UGT1A6: variants seen among roughly 807,000 people sequenced by gnomAD.
UGT1A6 encodes the protein UDP-glucuronosyltransferase 1A6.
In UGT1A6, 32 loss-of-function variants were observed where a neutral mutation model predicts 44.4. The observed-to-expected ratio is 0.72, with a 90% CI of 0.54 to 0.97. The LOEUF (loss-of-function observed/expected upper bound fraction) is 0.97. Among genes scored for constraint, UGT1A6 ranks in the 50% least tolerant of loss-of-function variants. The probability of loss-of-function intolerance (pLI) is 0.00; values close to 1 mark genes in which losing one functional copy is unlikely to be tolerated. For synonymous variants in UGT1A6, 238 were observed against 248.5 expected (o/e 0.96, Z 0.40); for missense variants, 685 against 661.9 (o/e 1.03, Z -0.38).
intron 1 of UGT1A6, among the ~76,000 whole-genome samples, chr2:233,731,422 C>T (rs547999595): frequency 2.0e-5 from 3 of 152,028 alleles, no homozygotes; most frequent in Non-Finnish European, 4.4e-5. Context: ...TTTCCTAATG[C>T]CATCCCTCCC....
intron 1 of UGT1A6, among the ~76,000 whole-genome samples, chr2:233,704,622 G>T (rs1418353770): frequency 6.6e-6 from 1 of 152,090 alleles, no homozygotes; most frequent in Non-Finnish European, 1.5e-5. Context: ...TATAGAGTTT[G>T]TTATATTAAC....
chr2:233,718,023 A>G (rs1438994105), intron 1 of UGT1A6: 2 of 389,712 alleles, frequency 5.1e-6, no homozygotes, highest in South Asian at 3.8e-5. Flanking sequence ...CCAGCTCCCC[A>G]GGTCCTTTGG....
chr2:233,759,135 A>G (rs1346504675), intron 1 of UGT1A6, among the ~76,000 whole-genome samples: 1 of 152,234 alleles, frequency 6.6e-6, no homozygotes, highest in African/African-American at 2.4e-5. Flanking sequence ...CTGGTACGCA[A>G]TGAAGGTGAG....
chr2:233,743,421 G>A (rs1692287450), intron 1 of UGT1A6: 1 of 1,339,950 alleles, frequency 7.5e-7, no homozygotes, highest in African/African-American at 1.5e-5. Flanking sequence ...TTCCCAGGGA[G>A]CCAAAGGAAC....
intron 1 of UGT1A6, among the ~76,000 whole-genome samples, chr2:233,757,694 G>C (rs757732265): frequency 2.6e-5 from 4 of 151,666 alleles, no homozygotes; most frequent in Non-Finnish European, 5.9e-5. Context: ...ATTCAAGGAA[G>C]GTGGCTTTGC....
chr2:233,765,338 A>G lies in UGT1A6; in HGVS notation c.862-1696A>G, dbSNP rs1698804627. On this transcript the variant is annotated intron_variant, in intron 1 of 4. Transcript: ENST00000305139. ...TTATTGCAGCACTATTCACAATAAC[A>G]AAGTCATGGAACCAACCCAGATGCC... Among the ~76,000 whole-genome samples the G allele has an allele frequency of 3.9e-5, 6 of 152,242 alleles. No individual in the cohort carries two copies. In the South Asian group the frequency reaches 1.0e-3, roughly 26 times the overall value.
intron 2 of UGT1A6, 98 bp downstream of exon 2, chr2:233,767,263 G>C (rs1020187729): frequency 6.3e-7 from 1 of 1,589,094 alleles, no homozygotes; most frequent in African/African-American, 1.4e-5. Flanking sequence ...TGGAACCTTA[G>C]ATTTGGCTTT....
chr2:233,772,784 A>G lies in UGT1A6; in HGVS notation c.*225A>G. ...CGTGCCCCCTCTGGTGTCTTTGATCAGGATGACATGTGCCATTTTTCAGAG... is the reference window on the plus strand; with the variant it reads ...CGTGCCCCCTCTGGTGTCTTTGATCGGGATGACATGTGCCATTTTTCAGAG... On this transcript the variant is annotated 3_prime_UTR_variant, in exon 5 of 5. Transcript: ENST00000305139. 1 of 1,271,314 alleles carries G rather than the reference A, an allele frequency of 7.9e-7. No homozygotes were observed. Among genetic ancestry groups the G allele is most frequent in the Non-Finnish European group, 1.0e-6 (1 of 961,544 alleles). 78.8% of individuals were successfully genotyped at this position (1,271,314 alleles called of 1,614,324 possible).
chr2:233,744,372 A>C (rs181518181), intron 1 of UGT1A6, among the ~76,000 whole-genome samples: 3 of 151,890 alleles, frequency 2.0e-5, no homozygotes. Flanking sequence ...TTAGGACTGC[A>C]GTTCTCCAAC....
At chr2:233,724,990 G>T (rs1408301840) in intron 1 of UGT1A6, among the ~76,000 whole-genome samples, 1 of 144,142 alleles carries the variant, frequency 6.9e-6, no homozygotes, top group Non-Finnish European at 1.5e-5. Context: ...CGCGGTTAGG[G>T]GCTGGAGACC....
chr2:233,721,336 T>C (rs1211352998), intron 1 of UGT1A6, among the ~76,000 whole-genome samples: 1 of 152,216 alleles, frequency 6.6e-6, no homozygotes, highest in African/African-American at 2.4e-5. Context: ...TTTTTCACTA[T>C]GAATATATTC....
At chr2:233,706,797 A>G (rs952386355) in intron 1 of UGT1A6, among the ~76,000 whole-genome samples, 9 of 152,160 alleles carry the variant, frequency 5.9e-5, no homozygotes, top group African/African-American at 1.9e-4. Context: ...CCATGCACCA[A>G]TTAGGTTGGG....
chr2:233,735,863 T>C (rs1339827457), intron 1 of UGT1A6, among the ~76,000 whole-genome samples: 2 of 151,778 alleles, frequency 1.3e-5, no homozygotes, highest in Non-Finnish European at 2.9e-5. Context: ...CTTGTAGGGT[T>C]TCTGCAGAGA....
chr2:233,718,144 T>C (rs2076632951), intron 1 of UGT1A6: 2 of 232,512 alleles, frequency 8.6e-6, no homozygotes, highest in Non-Finnish European at 1.8e-5. Context: ...GAATCCTCAA[T>C]AAAGCCTTCC....
chr2:233,743,056 A>C (rs955838724), intron 1 of UGT1A6: 1 of 325,656 alleles, frequency 3.1e-6, no homozygotes, highest in Non-Finnish European at 6.0e-6. Flanking sequence ...AGTCCCAACG[A>C]TAAGAACAGG....
At chr2:233,732,739 T>C (rs2078307146) in intron 1 of UGT1A6, among the ~76,000 whole-genome samples, 1 of 151,466 alleles carries the variant, frequency 6.6e-6, no homozygotes, top group Non-Finnish European at 1.5e-5. Flanking sequence ...TCAGGTAGCA[T>C]GATGCCACCA....
At chr2:233,747,872 G>A (rs1394034943) in intron 1 of UGT1A6, 4 of 1,613,378 alleles carry the variant, frequency 2.5e-6, no homozygotes, top group African/African-American at 1.3e-5. Flanking sequence ...CTCTGGCCCT[G>A]TCCTACCTTT....
chr2:233,729,994 G>A, intron 1 of UGT1A6: 1 of 1,613,954 alleles, frequency 6.2e-7, no homozygotes. Flanking sequence ...ACTATCTCAG[G>A]TCTGTATTGG....
chr2:233,695,558 A>G (rs544000149), intron 1 of UGT1A6, among the ~76,000 whole-genome samples: 2 of 150,968 alleles, frequency 1.3e-5, no homozygotes, highest in South Asian at 2.1e-4. Context: ...TTAACCAACC[A>G]TTTTCACCCC....
Sources: gnomAD v4.1 joint callset for allele counts (sites outside exome capture counted in the v4.1 genomes callset) on GRCh38, gnomAD v4.1.1 for gene constraint, MANE v1.5 for transcripts, NCBI Gene and HGNC (gene_info 2026-07-23, HGNC 2026-07-21) for gene names.